SCFD2: variants seen among roughly 807,000 people sequenced by gnomAD.
SCFD2 encodes the protein sec1 family domain-containing protein 2.
Under a neutral mutation model 58.9 loss-of-function variants are expected in SCFD2, and 54 were observed. That is an observed-to-expected ratio of 0.92 (90% CI 0.74 to 1.15). SCFD2 has a LOEUF of 1.15. Among genes scored for constraint, SCFD2 ranks in the 50% most tolerant of loss-of-function variants. The pLI is 0.00. For synonymous variants in SCFD2, 321 were observed against 335.9 expected, an observed-to-expected ratio of 0.96 and a Z score of 0.49; for missense variants, 805 against 836.6, an observed-to-expected ratio of 0.96 and a Z score of 0.47.
At chr4:53,179,014 C>T (rs1308753449) in intron 4 of SCFD2, among the ~76,000 whole-genome samples, 1 of 152,204 alleles carries the variant, frequency 6.6e-6, no homozygotes, top group Non-Finnish European at 1.5e-5. Context: ...AAGAGCAAAT[C>T]TACATCTGAT....
chr4:53,199,396 G>A (rs1728157939), intron 4 of SCFD2, among the ~76,000 whole-genome samples: 1 of 152,086 alleles, frequency 6.6e-6, no homozygotes, highest in Admixed American at 6.6e-5. Flanking sequence ...GGGTTGTGTA[G>A]TATAAGAAGA....
intron 5 of SCFD2, among the ~76,000 whole-genome samples, chr4:52,924,016 A>T (rs1030825438): frequency 2.4e-4 from 36 of 152,232 alleles, no homozygotes; most frequent in African/African-American, 8.4e-4. Flanking sequence ...CACAAAAACA[A>T]GGAGAAAAAA....
intron 4 of SCFD2, among the ~76,000 whole-genome samples, chr4:53,183,665 A>C (rs76602024): frequency 2.2e-5 from 1 of 46,386 alleles, no homozygotes; most frequent in South Asian, 5.1e-4. Flanking sequence ...TAATAAAATT[A>C]AAAAAAAAAA....
intron 4 of SCFD2, among the ~76,000 whole-genome samples, chr4:53,238,715 C>T (rs2149021404): frequency 6.6e-6 from 1 of 151,416 alleles, no homozygotes; most frequent in South Asian, 2.1e-4. Context: ...CTCCTCACAT[C>T]CCAGACGGGG....
chr4:53,103,760 T>C (rs1577729573), intron 5 of SCFD2, among the ~76,000 whole-genome samples: 1 of 43,082 alleles, frequency 2.3e-5, no homozygotes, highest in Non-Finnish European at 4.3e-5. Flanking sequence ...TTCCAGAAAG[T>C]AAGGAAGTAA....
chr4:53,296,950 G>A (rs1460165706), intron 3 of SCFD2, among the ~76,000 whole-genome samples: 1 of 152,170 alleles, frequency 6.6e-6, no homozygotes, highest in Non-Finnish European at 1.5e-5. Context: ...GTGTGGTCTT[G>A]AGTGAGTTTC....
At chr4:52,975,062 A>G (rs1424436359) in intron 5 of SCFD2, among the ~76,000 whole-genome samples, 3 of 152,250 alleles carry the variant, frequency 2.0e-5, no homozygotes, top group Non-Finnish European at 4.4e-5. Context: ...AAAACCATAA[A>G]AACCCTAGAA....
chr4:53,176,142 T>A (rs1006677338), intron 4 of SCFD2, among the ~76,000 whole-genome samples: 68 of 152,342 alleles, frequency 4.5e-4, no homozygotes, highest in African/African-American at 1.6e-3. Flanking sequence ...TAAAAATGTG[T>A]CATTGAATAC....
At chr4:53,178,223 G>A (rs995796337) in intron 4 of SCFD2, among the ~76,000 whole-genome samples, 10 of 152,162 alleles carry the variant, frequency 6.6e-5, no homozygotes, top group East Asian at 5.8e-4. Context: ...CCTGACCCCC[G>A]AGTAGCCTAA....
intron 3 of SCFD2, among the ~76,000 whole-genome samples, chr4:53,301,868 A>G (rs1296107824): frequency 6.6e-6 from 1 of 152,216 alleles, no homozygotes; most frequent in East Asian, 1.9e-4. Context: ...CTATCTCAAT[A>G]GATACAGAAA....
chr4:53,043,458 T>C (rs1722948847), intron 5 of SCFD2, among the ~76,000 whole-genome samples: 1 of 152,228 alleles, frequency 6.6e-6, no homozygotes, highest in Non-Finnish European at 1.5e-5. Flanking sequence ...GGTGACCATG[T>C]TGCTGTGAAA....
intron 4 of SCFD2, among the ~76,000 whole-genome samples, chr4:53,173,372 A>C (rs920395757): frequency 6.6e-6 from 1 of 152,152 alleles, no homozygotes; most frequent in African/African-American, 2.4e-5. Context: ...AAGTCAATCA[A>C]AAGTCAGGGA....
chr4:53,131,145 A>AT (rs1725775672), intron 5 of SCFD2, among the ~76,000 whole-genome samples: 1 of 152,276 alleles, frequency 6.6e-6, no homozygotes, highest in Non-Finnish European at 1.5e-5. Context: ...AATGAAATTT[A>AT]TATGTGGGCT....
At chr4:53,189,833 A>G (rs1326014786) in intron 4 of SCFD2, among the ~76,000 whole-genome samples, 1 of 152,224 alleles carries the variant, frequency 6.6e-6, no homozygotes, top group African/African-American at 2.4e-5. Context: ...ACTAGAATAC[A>G]TCACCAGAAT....
chr4:53,289,389 CA>C (rs982776983), intron 3 of SCFD2, among the ~76,000 whole-genome samples: 2 of 151,542 alleles, frequency 1.3e-5, no homozygotes, highest in South Asian at 2.1e-4. Flanking sequence ...ACAACAACAA[CA>C]AAAAAAATGG....
intron 3 of SCFD2, among the ~76,000 whole-genome samples, chr4:53,303,604 A>C (rs1334319822): frequency 1.3e-5 from 2 of 152,180 alleles, no homozygotes; most frequent in Non-Finnish European, 2.9e-5. Flanking sequence ...ATTACTGTGT[A>C]TATACCCAAA....
chr4:53,148,359 A>G (rs902407256), intron 4 of SCFD2, among the ~76,000 whole-genome samples: 9 of 152,164 alleles, frequency 5.9e-5, no homozygotes, highest in Non-Finnish European at 1.0e-4. Flanking sequence ...TGTACATGCC[A>G]ATTTCTAAAC....
chr4:53,282,986 C>T (rs1731552279), intron 3 of SCFD2, among the ~76,000 whole-genome samples: 1 of 152,190 alleles, frequency 6.6e-6, no homozygotes, highest in Non-Finnish European at 1.5e-5. Context: ...CCATGAGCAA[C>T]TCCAGCCTCA....
chr4:52,874,620 G>A (rs6855240), intron 8 of SCFD2, among the ~76,000 whole-genome samples: 15,420 of 152,218 alleles, frequency 0.1, 922 homozygotes, highest in Middle Eastern at 0.15. Flanking sequence ...CCAAGATCAA[G>A]GTGTTGGCAG....
Sources: allele counts gnomAD v4.1 joint callset (sites outside exome capture counted in the v4.1 genomes callset), GRCh38; gene constraint gnomAD v4.1.1; transcripts MANE v1.5; gene names NCBI Gene and HGNC (gene_info 2026-07-23, HGNC 2026-07-21).